LRGUK: variants seen among roughly 807,000 people sequenced by gnomAD.
LRGUK encodes leucine-rich repeat and guanylate kinase domain-containing protein.
Under a neutral mutation model 76.0 loss-of-function variants are expected in LRGUK, and 65 were observed. The observed-to-expected ratio is 0.85, with a 90% CI of 0.70 to 1.05. The LOEUF (loss-of-function observed/expected upper bound fraction) is 1.05, where lower values mean the gene tolerates loss of function less well. LRGUK is among the 50% of genes least tolerant of loss of function. The pLI, the probability that LRGUK is intolerant of heterozygous loss-of-function variation, is 0.00. For synonymous variants in LRGUK, 268 were observed against 265.6 expected (o/e 1.01, Z -0.09); for missense variants, 758 against 732.8 (o/e 1.03, Z -0.40).
intron 4 of LRGUK, among the ~76,000 whole-genome samples, chr7:134,146,133 G>A (rs1211811683): frequency 6.6e-6 from 1 of 152,072 alleles, no homozygotes; most frequent in Non-Finnish European, 1.5e-5. Context: ...ATTTAGCCTG[G>A]CATGATGGTG....
chr7:134,196,846 C>A, intron 12 of LRGUK, 146 bp from the exon 13 acceptor site: 1 of 474,192 alleles, frequency 2.1e-6, no homozygotes, highest in Non-Finnish European at 3.7e-6. Context: ...AATTAAGTTT[C>A]ATTTACCCCA....
At chr7:134,267,162 A>G (rs1802870845), downstream of LRGUK, among the ~76,000 whole-genome samples, 1 of 152,196 alleles carries the variant, frequency 6.6e-6, no homozygotes, top group African/African-American at 2.4e-5. Context: ...TGGAAATGAT[A>G]AAAGAAGGAA....
chr7:134,265,178 T>C (rs1802834313), downstream of LRGUK, among the ~76,000 whole-genome samples: 1 of 152,178 alleles, frequency 6.6e-6, no homozygotes, highest in Non-Finnish European at 1.5e-5. Flanking sequence ...TCTTCAAGAA[T>C]AGTTTAACTT....
At chr7:134,212,950 C>G (rs1184071250), downstream of LRGUK, among the ~76,000 whole-genome samples, 1 of 152,182 alleles carries the variant, frequency 6.6e-6, no homozygotes, top group Non-Finnish European at 1.5e-5. Context: ...AGGAAGGACA[C>G]TGAATTCGGC....
At chr7:134,204,155 G>C (rs749191257) in intron 15 of LRGUK, among the ~76,000 whole-genome samples, 4 of 152,122 alleles carry the variant, frequency 2.6e-5, no homozygotes, top group Admixed American at 2.6e-4. Context: ...GCCACTGACT[G>C]GGGGGGCTTG....
At chr7:134,228,304 G>T (rs1328562436) in intron 16 of LRGUK, among the ~76,000 whole-genome samples, 1 of 152,008 alleles carries the variant, frequency 6.6e-6, no homozygotes, top group African/African-American at 2.4e-5. Context: ...CAAAGAAACA[G>T]AATTTGTCAC....
intron 16 of LRGUK, among the ~76,000 whole-genome samples, chr7:134,222,852 C>A (rs757143060): frequency 6.6e-6 from 1 of 152,104 alleles, no homozygotes. Context: ...CTTGCCTCGG[C>A]CTCCCAAAGT....
At chr7:134,213,553 T>A (rs1178911577), downstream of LRGUK, among the ~76,000 whole-genome samples, 1 of 152,192 alleles carries the variant, frequency 6.6e-6, no homozygotes, top group Non-Finnish European at 1.5e-5. Flanking sequence ...CTTTTAGAAA[T>A]GTATAATTTT....
At chr7:134,155,757 C>T (rs570478621) in intron 5 of LRGUK, among the ~76,000 whole-genome samples, 6 of 152,164 alleles carry the variant, frequency 3.9e-5, no homozygotes, top group African/African-American at 1.4e-4. Flanking sequence ...AACTTTTGGC[C>T]TTAATGGCCA....
At chr7:134,136,785 T>C (rs17167464) in intron 1 of LRGUK, among the ~76,000 whole-genome samples, 19,993 of 152,200 alleles carry the variant, frequency 0.13, 1,617 homozygotes, top group East Asian at 0.33. Flanking sequence ...GAATGCCTAA[T>C]GCAAGTGACC....
intron 10 of LRGUK, among the ~76,000 whole-genome samples, chr7:134,178,945 A>AAAACCAAAAAAAAAAC (rs1563164724): frequency 1.7e-4 from 25 of 150,040 alleles, no homozygotes; most frequent in South Asian, 8.4e-4. Flanking sequence ...AAAAAAAAAA[A>AAAACCAAAAAAAAAAC]AAACCAGGAC....
At chr7:134,211,804 T>A (rs906170223), downstream of LRGUK, among the ~76,000 whole-genome samples, 1 of 152,230 alleles carries the variant, frequency 6.6e-6, no homozygotes, top group African/African-American at 2.4e-5. Context: ...GAGTCCACTC[T>A]AAGCCAGCTT....
In LRGUK at chr7:134,159,273, G is replaced by C. The variant is rs576967291; in HGVS notation, c.795+1114G>C. Reference sequence around the variant, plus strand: ...AATCACTTGAGCCCAGGAGGTCAAGGCTGCAGTGAGTCACGATCATGTCAC... The same window carrying C: ...AATCACTTGAGCCCAGGAGGTCAAGCCTGCAGTGAGTCACGATCATGTCAC... On this transcript the variant is annotated intron_variant, in intron 6 of 15. Coordinates refer to ENST00000645682, the Ensembl canonical transcript of LRGUK. 1.1e-4 allele frequency among the ~76,000 whole-genome samples: 17 copies of C among 150,832 alleles called. No homozygotes were observed. In the East Asian group the frequency reaches 3.3e-3, roughly 30 times the overall value.
intron 12 of LRGUK, among the ~76,000 whole-genome samples, 182 bp downstream of exon 12, chr7:134,191,933 T>C (rs903184275): frequency 1.3e-5 from 2 of 152,110 alleles, no homozygotes; most frequent in African/African-American, 4.8e-5. Flanking sequence ...CACATGCTTT[T>C]TTATTTTATG....
chr7:134,276,223 T>G, the LRGUK span, among the ~76,000 whole-genome samples: 1 of 152,234 alleles, frequency 6.6e-6, no homozygotes, highest in East Asian at 1.9e-4. Context: ...TGACATATAA[T>G]GTCGACTATA....
intron 1 of LRGUK, among the ~76,000 whole-genome samples, chr7:134,132,403 G>T (rs1426869377): frequency 6.6e-6 from 1 of 152,074 alleles, no homozygotes; most frequent in East Asian, 1.9e-4. Context: ...CTACAAATAG[G>T]TTAAGTGGGA....
chr7:134,245,526 G>C (rs1327033957), intron 16 of LRGUK, among the ~76,000 whole-genome samples: 1 of 152,184 alleles, frequency 6.6e-6, no homozygotes, highest in Non-Finnish European at 1.5e-5. Context: ...GGTTTGAGGA[G>C]ATACCCTGTC....
the LRGUK span, among the ~76,000 whole-genome samples, chr7:134,269,703 T>C: frequency 6.6e-6 from 1 of 152,190 alleles, no homozygotes; most frequent in African/African-American, 2.4e-5. Flanking sequence ...ATATTCCATC[T>C]TGGTAAATAT....
At chr7:134,242,697 A>G (rs1254587572) in intron 16 of LRGUK, among the ~76,000 whole-genome samples, 3 of 152,212 alleles carry the variant, frequency 2.0e-5, no homozygotes, top group African/African-American at 7.2e-5. Flanking sequence ...TCCCTAATTC[A>G]TTTTATGAAG....
Sources: allele counts gnomAD v4.1 joint callset (sites outside exome capture counted in the v4.1 genomes callset), GRCh38; gene constraint gnomAD v4.1.1; transcripts MANE v1.5; gene names NCBI Gene and HGNC (gene_info 2026-07-23, HGNC 2026-07-21).